CSMD1: variants seen among roughly 807,000 people sequenced by gnomAD.
CSMD1 encodes CUB and sushi domain-containing protein 1.
A neutral mutation model predicts 417.5 loss-of-function variants in CSMD1; 213 were observed. The observed-to-expected ratio is 0.51, with a 90% CI of 0.46 to 0.57. CSMD1 has a LOEUF of 0.57. Ranked by LOEUF, CSMD1 falls within the 20% of genes least tolerant of loss-of-function variation. CSMD1 has a pLI of 0.00. For synonymous variants in CSMD1, 2,862 were observed against 1,736.8 expected (o/e 1.65, Z -16.11); for missense variants, 6,923 against 4,529.7 (o/e 1.53, Z -15.17).
intron 11 of CSMD1, among the ~76,000 whole-genome samples, chr8:3,493,154 C>T (rs972347298): frequency 1.3e-5 from 2 of 151,802 alleles, no homozygotes; most frequent in African/African-American, 4.8e-5. Context: ...ATTAGCCTGG[C>T]ATGATGGCAC....
chr8:4,877,737 G>A (rs1039243619), intron 1 of CSMD1, among the ~76,000 whole-genome samples: 1 of 152,064 alleles, frequency 6.6e-6, no homozygotes, highest in Non-Finnish European at 1.5e-5. Context: ...CAGACTATGT[G>A]TTTGCACTTT....
chr8:4,666,935 A>G (rs563892157), intron 1 of CSMD1, among the ~76,000 whole-genome samples: 1 of 152,104 alleles, frequency 6.6e-6, no homozygotes, highest in African/African-American at 2.4e-5. Context: ...TCTTTGCCTC[A>G]ATTTGTGAAG....
chr8:3,172,946 AG>A (rs1262944081), intron 37 of CSMD1, among the ~76,000 whole-genome samples: 2 of 152,236 alleles, frequency 1.3e-5, no homozygotes, highest in Non-Finnish European at 2.9e-5. Context: ...CGTTACTGAT[AG>A]GACCTACCAC....
At chr8:3,368,779 G>C (rs1178418587) in intron 19 of CSMD1, among the ~76,000 whole-genome samples, 3 of 152,102 alleles carry the variant, frequency 2.0e-5, no homozygotes, top group Non-Finnish European at 4.4e-5. Flanking sequence ...TATAAAATGA[G>C]GATAGAAATA....
intron 3 of CSMD1, among the ~76,000 whole-genome samples, chr8:4,215,007 A>C (rs1275731138): frequency 3.9e-5 from 6 of 152,180 alleles, no homozygotes; most frequent in African/African-American, 1.4e-4. Flanking sequence ...GAGAAAGTCA[A>C]GTTCAATTCT....
chr8:4,477,210 G>A (rs949370303), intron 2 of CSMD1, among the ~76,000 whole-genome samples: 4 of 152,116 alleles, frequency 2.6e-5, no homozygotes, highest in African/African-American at 7.2e-5. Context: ...CCCAGCCCAG[G>A]TGAGAGGGCT....
At chr8:4,032,305 T>C (rs577854949) in intron 3 of CSMD1, among the ~76,000 whole-genome samples, 1 of 152,314 alleles carries the variant, frequency 6.6e-6, no homozygotes, top group South Asian at 2.1e-4. Flanking sequence ...ATAAACATCA[T>C]AAAGTGTAAA....
intron 17 of CSMD1, among the ~76,000 whole-genome samples, chr8:3,395,904 T>C (rs1206153642): frequency 1.3e-5 from 2 of 152,184 alleles, no homozygotes; most frequent in East Asian, 3.9e-4. Flanking sequence ...AATAGAAGTA[T>C]ATTATTACTT....
At chr8:4,010,113 C>A (rs1036805152) in intron 4 of CSMD1, among the ~76,000 whole-genome samples, 6 of 152,168 alleles carry the variant, frequency 3.9e-5, no homozygotes, top group Non-Finnish European at 2.9e-5. Flanking sequence ...TCCCTTCTTC[C>A]TCTGATGGAA....
intron 12 of CSMD1, among the ~76,000 whole-genome samples, chr8:3,458,002 C>G (rs1364104540): frequency 6.6e-6 from 1 of 152,184 alleles, no homozygotes; most frequent in Admixed American, 6.5e-5. Flanking sequence ...CAAGCTCTTT[C>G]ATAATTCGCA....
At chr8:3,116,214 T>A (rs1053765866) in intron 42 of CSMD1, among the ~76,000 whole-genome samples, 9 of 152,224 alleles carry the variant, frequency 5.9e-5, no homozygotes, top group Non-Finnish European at 7.3e-5. Context: ...AAATCCTTTA[T>A]ATAGGTCCTC....
At chr8:4,012,557 T>C (rs1003453209) in intron 4 of CSMD1, among the ~76,000 whole-genome samples, 3 of 152,218 alleles carry the variant, frequency 2.0e-5, no homozygotes, top group East Asian at 1.9e-4. Context: ...GGCAGGTAGT[T>C]ATTCAACCGT....
intron 10 of CSMD1, among the ~76,000 whole-genome samples, chr8:3,544,921 C>T (rs909654772): frequency 1.7e-4 from 26 of 152,296 alleles, no homozygotes; most frequent in African/African-American, 6.3e-4. Flanking sequence ...AATGTTTAAT[C>T]TGAAAGTATC....
At chr8:3,727,335 C>T (rs972912554) in intron 6 of CSMD1, among the ~76,000 whole-genome samples, 11 of 152,186 alleles carry the variant, frequency 7.2e-5, no homozygotes, top group African/African-American at 2.7e-4. Flanking sequence ...GGTGGCACTG[C>T]AGTTCCCATA....
chr8:3,156,577 A>G (rs1819548779), intron 39 of CSMD1, among the ~76,000 whole-genome samples: 1 of 152,198 alleles, frequency 6.6e-6, no homozygotes. Context: ...GGGAGCTCAG[A>G]GAGCATTGAG....
chr8:3,100,768 A>G (rs1362840292), intron 46 of CSMD1, among the ~76,000 whole-genome samples: 1 of 152,230 alleles, frequency 6.6e-6, no homozygotes, highest in Non-Finnish European at 1.5e-5. Flanking sequence ...CTAATAGCAG[A>G]TGAGGATTAG....
intron 9 of CSMD1, among the ~76,000 whole-genome samples, chr8:3,584,125 T>C (rs1188724730): frequency 1.3e-5 from 2 of 152,160 alleles, no homozygotes; most frequent in African/African-American, 4.8e-5. Context: ...CTAAATTTAT[T>C]AGAAGTAATA....
At chr8:4,060,245 C>A (rs559022088) in intron 3 of CSMD1, among the ~76,000 whole-genome samples, 4 of 5,106 alleles carry the variant, frequency 7.8e-4, no homozygotes, top group Non-Finnish European at 6.1e-3. Flanking sequence ...ATTCAACAAC[C>A]CTTCATGCTA....
intron 3 of CSMD1, among the ~76,000 whole-genome samples, chr8:4,137,908 C>A (rs1020623153): frequency 6.6e-6 from 1 of 151,822 alleles, no homozygotes; most frequent in Non-Finnish European, 1.5e-5. Context: ...GATGAAGTCT[C>A]GCTCTGTCGC....
Sources: gnomAD v4.1 joint callset for allele counts (sites outside exome capture counted in the v4.1 genomes callset) on GRCh38, gnomAD v4.1.1 for gene constraint, MANE v1.5 for transcripts, NCBI Gene and HGNC (gene_info 2026-07-23, HGNC 2026-07-21) for gene names.